FAM186A: variants seen among roughly 807,000 people sequenced by gnomAD.
The protein encoded by FAM186A is protein FAM186A.
Under a neutral mutation model 216.8 loss-of-function variants are expected in FAM186A, and 163 were observed. That is an observed-to-expected ratio of 0.75 (90% CI 0.66 to 0.86). The LOEUF is 0.86. Ranked by LOEUF, FAM186A falls within the 40% of genes least tolerant of loss-of-function variation. FAM186A has a pLI of 0.00. For synonymous variants in FAM186A, 805 were observed against 1,025.3 expected (o/e 0.79, Z 4.10); for missense variants, 2,184 against 2,746.2 (o/e 0.80, Z 4.58).
intron 4 of FAM186A, among the ~76,000 whole-genome samples, chr12:50,337,040 C>A (rs1215634543): frequency 6.6e-6 from 1 of 151,200 alleles, no homozygotes; most frequent in Non-Finnish European, 1.5e-5. Flanking sequence ...TACTTTAGAA[C>A]CTACTATATA....
chr12:50,378,233 A>G (rs930559763), intron 1 of FAM186A, among the ~76,000 whole-genome samples: 1 of 152,004 alleles, frequency 6.6e-6, no homozygotes, highest in Non-Finnish European at 1.5e-5. Context: ...TCAAAAAAAA[A>G]AAAGAAAATG....
chr12:50,346,665 G>A (rs1214151408), intron 4 of FAM186A, among the ~76,000 whole-genome samples: 1 of 151,946 alleles, frequency 6.6e-6, no homozygotes, highest in Non-Finnish European at 1.5e-5. Context: ...GGCTAACACG[G>A]TGAAACCCCG....
At chr12:50,372,555 C>G (rs1021098937) in intron 1 of FAM186A, among the ~76,000 whole-genome samples, 6 of 150,710 alleles carry the variant, frequency 4.0e-5, no homozygotes, top group Admixed American at 2.0e-4. Flanking sequence ...GATTGTGTCA[C>G]TGCATGCCAG....
At chr12:50,344,863 A>G (rs1386549165) in intron 4 of FAM186A, among the ~76,000 whole-genome samples, 4 of 152,144 alleles carry the variant, frequency 2.6e-5, no homozygotes, top group Non-Finnish European at 5.9e-5. Flanking sequence ...AGTCCCAGCT[A>G]CTCGGAGGCT....
intron 3 of FAM186A, among the ~76,000 whole-genome samples, chr12:50,358,928 A>AAAG (rs1349210185): frequency 2.0e-5 from 3 of 151,454 alleles, no homozygotes; most frequent in Admixed American, 6.6e-5. Context: ...GTCTCAAAAA[A>AAAG]AAAAAAAAAG....
In FAM186A at chr12:50,331,652, A is replaced by G. The variant is rs766219277; in HGVS notation, c.6848+18T>C. The G allele has an allele frequency of 7.9e-6, 12 of 1,525,836 alleles. No individual in the cohort carries two copies. The South Asian group carries it at 1.1e-4, about 15-fold the overall frequency. 94.5% of individuals were successfully genotyped at this position (1,525,836 alleles called of 1,614,324 possible). ...CACATATCGTCCAAAGTTTAATATC[A>G]GTCTTTCTAGCACATACCTAAATTT... On this transcript the variant is annotated intron_variant, in intron 6 of 7. Transcript: ENST00000327337.
intron 1 of FAM186A, chr12:50,365,948 T>G: frequency 1.3e-6 from 1 of 764,502 alleles, no homozygotes; most frequent in Non-Finnish European, 2.4e-6. Flanking sequence ...ATGTGGGCCC[T>G]CGCCCCAGCA....
At chr12:50,337,541 C>T (rs558369601) in intron 4 of FAM186A, among the ~76,000 whole-genome samples, 11 of 150,738 alleles carry the variant, frequency 7.3e-5, no homozygotes, top group African/African-American at 1.9e-4. Context: ...CCAAGTGATC[C>T]GCCCACCTCG....
chr12:50,377,611 T>C (rs913402479), intron 1 of FAM186A, among the ~76,000 whole-genome samples: 19 of 152,032 alleles, frequency 1.2e-4, no homozygotes, highest in African/African-American at 4.6e-4. Flanking sequence ...GGCAGGTGGA[T>C]CACCTGAGGT....
In FAM186A at chr12:50,353,849, G is replaced by T. The variant is rs868712941; in HGVS notation, c.2983C>A (p.Pro995Thr). 1 of 1,551,596 alleles carries T rather than the reference G, an allele frequency of 6.4e-7. No individual in the cohort carries two copies. Among genetic ancestry groups the T allele is most frequent in the African/African-American group, 1.4e-5 (1 of 73,102 alleles). Reference protein sequence around the residue: ...KDQMQMKETQPKELEKMVIQT... With the variant: ...KDQMQMKETQTKELEKMVIQT... ...ATGACCATTTTTTCTAGCTCTTTAG[G>T]TTGTGTTTCCTTCATCTGCATCTGA... The change falls in exon 4 of 8, where the codon CCT (proline) becomes ACT (threonine). Residue 995 changes from proline (P) to threonine (T), a missense_variant. This residue lies in a region of FAM186A where 1,132 missense variants were observed against 1,263.4 expected (regional missense o/e 0.90). Coordinates refer to ENST00000327337, the MANE Select transcript of FAM186A (RefSeq NM_001145475.3).
chr12:50,345,274 T>G (rs1374778796), intron 4 of FAM186A, among the ~76,000 whole-genome samples: 2 of 152,134 alleles, frequency 1.3e-5, no homozygotes, highest in African/African-American at 4.8e-5. Context: ...TCCTTTTCTC[T>G]GCAGCCTTGC....
intron 1 of FAM186A, among the ~76,000 whole-genome samples, chr12:50,394,357 A>G (rs1480376474): frequency 1.3e-5 from 2 of 151,964 alleles, no homozygotes; most frequent in African/African-American, 4.8e-5. Flanking sequence ...TCAAGACCAT[A>G]CTGGCTAACA....
rs573913893 is a variant in FAM186A, at chr12:50,356,736, C to T, written c.584-488G>A. ...GACAAGGCCAGGGCTTGGTGGTTCACGCCTGTAATTCCAGCACTTTGGGAG... is the reference window on the plus strand; with the variant it reads ...GACAAGGCCAGGGCTTGGTGGTTCATGCCTGTAATTCCAGCACTTTGGGAG... On this transcript the variant is annotated intron_variant, in intron 3 of 7. Transcript: ENST00000327337. Among the ~76,000 whole-genome samples the T allele has an allele frequency of 5.3e-5, 8 of 152,292 alleles. No individual in the cohort carries two copies. The South Asian group carries it at 1.0e-3, about 20-fold the overall frequency.
chr12:50,372,926 A>C (rs1473947531), intron 1 of FAM186A, among the ~76,000 whole-genome samples: 1 of 146,830 alleles, frequency 6.8e-6, no homozygotes, highest in East Asian at 2.0e-4. Flanking sequence ...AAGAAAAAAG[A>C]AAGAAAGAAG....
At chr12:50,347,085 A>G (rs866559003) in intron 4 of FAM186A, among the ~76,000 whole-genome samples, 1 of 152,108 alleles carries the variant, frequency 6.6e-6, no homozygotes, top group Non-Finnish European at 1.5e-5. Context: ...CTATTTTAAC[A>G]AAACTCCCAA....
At chr12:50,347,097 C>A (rs533798756) in intron 4 of FAM186A, among the ~76,000 whole-genome samples, 2 of 152,066 alleles carry the variant, frequency 1.3e-5, no homozygotes, top group South Asian at 4.2e-4. Flanking sequence ...AACTCCCAAG[C>A]CTCAGTGGCT....
At chr12:50,330,818 A>C in intron 6 of FAM186A, 60 bp from the exon 7 acceptor site, 3 of 1,392,106 alleles carry the variant, frequency 2.2e-6, no homozygotes, top group Non-Finnish European at 2.9e-6. Flanking sequence ...GCCCATCAAA[A>C]TATATCTTAT....
At chr12:50,380,521 C>CAAAAAAA (rs60955395) in intron 1 of FAM186A, among the ~76,000 whole-genome samples, 189 of 76,338 alleles carry the variant, frequency 2.5e-3, no homozygotes, top group African/African-American at 5.9e-3. Context: ...ACTAAAAATA[C>CAAAAAAA]AAAAAAAAAA....
chr12:50,351,328 C>T lies in FAM186A; in HGVS notation c.5504G>A (p.Gly1835Glu). 2.0e-6 allele frequency: 3 copies of T among 1,505,708 alleles called. No individual in the cohort carries two copies. Among genetic ancestry groups the T allele is most frequent in the Non-Finnish European group, 2.7e-6 (3 of 1,128,632 alleles). The allele number at this position is 1,505,708 out of a possible 1,614,324, so 93.3% of individuals were successfully genotyped here. Residue 1835 changes from glycine (G) to glutamate (E), a missense_variant, in exon 4 of 8, where the codon GGG becomes GAG. By Grantham distance (98) the Gly-to-Glu change is moderately conservative. Coordinates refer to ENST00000327337, the MANE Select transcript of FAM186A (RefSeq NM_001145475.3). ...TGGAACTCCAGCTATAAAGGGCTGCCCTGGAGTGGGAGGGGCCCGAGATAT... is the reference window on the plus strand; with the variant it reads ...TGGAACTCCAGCTATAAAGGGCTGCTCTGGAGTGGGAGGGGCCCGAGATAT... ...LPISRAPPTP[G>E]QPFIAGVPPT...
Sources: gnomAD v4.1 joint callset for allele counts (sites outside exome capture counted in the v4.1 genomes callset) on GRCh38, gnomAD v4.1.1 for gene constraint, gnomAD v4.1.1 regional missense constraint, MANE v1.5 for transcripts, NCBI Gene and HGNC (gene_info 2026-07-23, HGNC 2026-07-21) for gene names.